Variants in TAAR5 observed in about 807,000 individuals in gnomAD.
The protein encoded by TAAR5 is trace amine associated receptor 5.
A neutral mutation model predicts 21.1 loss-of-function variants in TAAR5; 27 were observed. The ratio of observed to expected loss-of-function variants is 1.28; its 90% confidence interval spans 0.94 to 1.76. The LOEUF is 1.76. Among genes scored for constraint, TAAR5 ranks in the 40% most tolerant of loss-of-function variants. The probability of loss-of-function intolerance (pLI) is 0.00; values close to 1 mark genes in which losing one functional copy is unlikely to be tolerated. For synonymous variants in TAAR5, 203 were observed against 167.5 expected, an observed-to-expected ratio of 1.21 and a Z score of -1.64; for missense variants, 495 against 405.6, an observed-to-expected ratio of 1.22 and a Z score of -1.89.
At chr6:132,592,622 AATGAGTTATC>A (rs779372878), upstream of TAAR5, among the ~76,000 whole-genome samples, 2 of 152,076 alleles carry the variant, frequency 1.3e-5, no homozygotes, top group Non-Finnish European at 1.5e-5. Flanking sequence ...TTTGATAGTG[AATGAGTTATC>A]ATGAGATCTA....
the TAAR5 span, among the ~76,000 whole-genome samples, chr6:132,597,556 T>C: frequency 6.6e-6 from 1 of 152,152 alleles, no homozygotes; most frequent in East Asian, 1.9e-4. Flanking sequence ...TCAGAAAAGA[T>C]AGATACAGCA....
the TAAR5 span, among the ~76,000 whole-genome samples, chr6:132,595,904 T>C: frequency 2.6e-5 from 4 of 152,236 alleles, no homozygotes; most frequent in African/African-American, 9.6e-5. Context: ...ATGCTGATGC[T>C]TCCTTTTTAA....
chr6:132,613,378 C>T, the TAAR5 span, among the ~76,000 whole-genome samples: 1 of 152,260 alleles, frequency 6.6e-6, no homozygotes, highest in South Asian at 2.1e-4. Flanking sequence ...GCCTTCCTCC[C>T]TGCTTTTCCT....
At chr6:132,597,289 G>C in the TAAR5 span, among the ~76,000 whole-genome samples, 14 of 151,532 alleles carry the variant, frequency 9.2e-5, no homozygotes, top group African/African-American at 3.2e-4. Flanking sequence ...CAAGAAGATA[G>C]AGTAAGACAC....
chr6:132,600,372 A>G, the TAAR5 span, among the ~76,000 whole-genome samples: 1 of 152,166 alleles, frequency 6.6e-6, no homozygotes. Flanking sequence ...AAAGAACTCA[A>G]ATGTTTCAAT....
chr6:132,610,710 C>T, the TAAR5 span, among the ~76,000 whole-genome samples: 1 of 152,130 alleles, frequency 6.6e-6, no homozygotes, highest in Non-Finnish European at 1.5e-5. Context: ...GCTGACTGTT[C>T]CATGTGACTC....
the TAAR5 span, among the ~76,000 whole-genome samples, chr6:132,603,094 G>A: frequency 1.3e-5 from 2 of 151,946 alleles, no homozygotes; most frequent in South Asian, 4.1e-4. Context: ...CTTGAGCCCA[G>A]GAGTTCGAGA....
At position 132,589,171 on chromosome 6, in the gene TAAR5, T is replaced by G; in HGVS notation, c.516A>C (p.Thr172=). ...GGCTGAGCCTTGTCTCTACCACATCTGTGTAGAGGAATAACGAAGTGTATG... is the reference window on the plus strand; with the variant it reads ...GGCTGAGCCTTGTCTCTACCACATCGGTGTAGAGGAATAACGAAGTGTATG... ...PAAYTSLFLY[T]DVVETRLSQW... Residue 172 remains threonine (T), a synonymous_variant, in exon 1 of 1, where the codon ACA becomes ACC. Transcript: ENST00000258034. The G allele has an allele frequency of 6.2e-7, 1 of 1,608,570 alleles. No individual in the cohort carries two copies. The highest frequency in any genetic ancestry group is 8.5e-7 in the Non-Finnish European group (1 of 1,177,320).
At chr6:132,604,611 T>C in the TAAR5 span, among the ~76,000 whole-genome samples, 1 of 151,264 alleles carries the variant, frequency 6.6e-6, no homozygotes, top group African/African-American at 2.4e-5. Flanking sequence ...TTCAGAGGAG[T>C]GTGCAGCTGA....
the TAAR5 span, among the ~76,000 whole-genome samples, chr6:132,601,828 G>C: frequency 6.6e-6 from 1 of 152,084 alleles, no homozygotes; most frequent in Admixed American, 6.6e-5. Flanking sequence ...AAGTGTGTGG[G>C]AGCAATATGT....
the TAAR5 span, among the ~76,000 whole-genome samples, chr6:132,606,922 G>T: frequency 2.0e-5 from 3 of 152,160 alleles, no homozygotes; most frequent in African/African-American, 7.2e-5. Context: ...GGGTGCACTG[G>T]GGGTGGATCA....
the TAAR5 span, among the ~76,000 whole-genome samples, chr6:132,609,782 T>C: frequency 6.6e-6 from 1 of 152,240 alleles, no homozygotes; most frequent in African/African-American, 2.4e-5. Flanking sequence ...AATCTTCATT[T>C]GTAAACAGTG....
the TAAR5 span, among the ~76,000 whole-genome samples, chr6:132,599,214 G>C: frequency 6.6e-6 from 1 of 151,488 alleles, no homozygotes; most frequent in East Asian, 1.9e-4. Context: ...CATAATTCCA[G>C]ACACTAAGCT....
upstream of TAAR5, among the ~76,000 whole-genome samples, chr6:132,590,540 GCAGGTGGACA>G (rs1177738411): frequency 1.3e-5 from 2 of 152,212 alleles, no homozygotes; most frequent in Non-Finnish European, 2.9e-5. Context: ...GTTTCTTGGA[GCAGGTGGACA>G]CAGGGAATGT....
chr6:132,607,207 A>G, the TAAR5 span, among the ~76,000 whole-genome samples: 1 of 152,054 alleles, frequency 6.6e-6, no homozygotes, highest in East Asian at 1.9e-4. Flanking sequence ...AAACAAACAT[A>G]CAAAAAACTT....
the TAAR5 span, among the ~76,000 whole-genome samples, chr6:132,598,141 G>T: frequency 6.6e-6 from 1 of 152,046 alleles, no homozygotes; most frequent in South Asian, 2.1e-4. Flanking sequence ...ATCTACTTCT[G>T]CCCCCATTTT....
At chr6:132,607,731 T>C in the TAAR5 span, among the ~76,000 whole-genome samples, 6 of 152,132 alleles carry the variant, frequency 3.9e-5, no homozygotes, top group African/African-American at 7.2e-5. Flanking sequence ...AATAACTGAA[T>C]AGTTTGTAAA....
chr6:132,614,182 AG>A, the TAAR5 span, among the ~76,000 whole-genome samples: 1 of 152,210 alleles, frequency 6.6e-6, no homozygotes, highest in Non-Finnish European at 1.5e-5. Flanking sequence ...TAACAGCCCT[AG>A]GGCTCTTGGA....
upstream of TAAR5, among the ~76,000 whole-genome samples, chr6:132,594,098 A>G (rs1243507848): frequency 1.3e-5 from 2 of 152,320 alleles, no homozygotes; most frequent in African/African-American, 4.8e-5. Context: ...GAAAATCTCT[A>G]TATGATTTAA....
Sources: allele counts gnomAD v4.1 joint callset (sites outside exome capture counted in the v4.1 genomes callset), GRCh38; gene constraint gnomAD v4.1.1; transcripts MANE v1.5; gene names NCBI Gene and HGNC (gene_info 2026-07-23, HGNC 2026-07-21).